Variants in ZNF449 observed in about 807,000 individuals in gnomAD.
ZNF449 encodes zinc finger protein 449.
ZNF449 carries 4 observed loss-of-function variants against 32.6 expected under a neutral mutation model. The observed-to-expected ratio is 0.12, with a 90% CI of 0.06 to 0.28. The LOEUF (loss-of-function observed/expected upper bound fraction) is 0.28, where lower values mean the gene tolerates loss of function less well. Among genes scored for constraint, ZNF449 ranks in the 10% least tolerant of loss-of-function variants. ZNF449 has a pLI of 1.00. For missense variants in ZNF449, 275 were observed against 383.2 expected (o/e 0.72, Z 2.36); for synonymous variants, 123 against 132.2 (o/e 0.93, Z 0.48).
intron 2 of ZNF449, 103 bp from the exon 3 acceptor site, chrX:135,349,007 T>C (rs1214647964): frequency 9.6e-7 from 1 of 1,036,902 alleles, no homozygotes; most frequent in Non-Finnish European, 1.3e-6. Context: ...AATTTATTCA[T>C]ATGGCCACTA....
In ZNF449 at chrX:135,353,605, A is replaced by G. The variant is rs183715543; in HGVS notation, c.559+4291A>G. 3.9e-3 allele frequency among the ~76,000 whole-genome samples: 434 copies of G among 111,256 alleles called. 5 individuals are homozygous for G. The highest frequency in any genetic ancestry group is 0.014 in the African/African-American group (423 of 30,602). Reference sequence around the variant, plus strand: ...GACTATGGTCTCAAAACCAGGAGAGATGATTAAATTTAAGGTAACAGGCTT... The same window carrying G: ...GACTATGGTCTCAAAACCAGGAGAGGTGATTAAATTTAAGGTAACAGGCTT... On this transcript the variant is annotated intron_variant, in intron 3 of 4. Coordinates refer to ENST00000339249, the MANE Select transcript of ZNF449 (RefSeq NM_152695.6).
In ZNF449 at chrX:135,360,421, A is replaced by C; in HGVS notation, c.902A>C (p.Asn301Thr). 8.3e-7 allele frequency: 1 copy of C among 1,211,085 alleles called. No individual in the cohort carries two copies. Among genetic ancestry groups the C allele is most frequent in the Non-Finnish European group, 1.1e-6 (1 of 895,272 alleles). ...QNPTLGETPE[N>T]SNLEEPLNPK... is the part of the protein sequence containing the mutation. ...CCCACTCTGGGAGAGACACCTGAGA[A>C]CTCCAACTTGGAAGAACCTCTCAAC... Residue 301 changes from asparagine (N) to threonine (T), a missense_variant, in exon 5 of 5, where the codon AAC (asparagine) becomes ACC (threonine). Coordinates refer to ENST00000339249, the MANE Select transcript of ZNF449 (RefSeq NM_152695.6).
intron 3 of ZNF449, 121 bp downstream of exon 3, chrX:135,349,435 A>G (rs2084871327): frequency 7.5e-6 from 5 of 670,856 alleles, no homozygotes; most frequent in Non-Finnish European, 1.1e-5. Context: ...CAGATAAAGA[A>G]GAGGAAAAAG....
chrX:135,359,800 C>A, intron 3 of ZNF449, 92 bp from the exon 4 acceptor site: 1 of 513,132 alleles, frequency 1.9e-6, no homozygotes, highest in Non-Finnish European at 3.4e-6. Flanking sequence ...GAAGTAGATA[C>A]TAAGAGGCTA....
At chrX:135,355,550 AAAGT>A (rs782519282) in intron 3 of ZNF449, among the ~76,000 whole-genome samples, 55 of 111,416 alleles carry the variant, frequency 4.9e-4, no homozygotes, top group Non-Finnish European at 1.0e-3. Context: ...AATGTAAAAT[AAAGT>A]ATTTTACACC....
intron 3 of ZNF449, among the ~76,000 whole-genome samples, chrX:135,350,003 A>ATTTTT (rs552605724): frequency 4.9e-5 from 4 of 81,797 alleles, no homozygotes; most frequent in Non-Finnish European, 9.9e-5. Context: ...GGGGTTTTCT[A>ATTTTT]TTTTTTTTTT....
chrX:135,361,328 T>C lies in ZNF449; in HGVS notation c.*252T>C, dbSNP rs1556454019. 1 of 275,792 alleles carries C rather than the reference T, an allele frequency of 3.6e-6. No homozygotes were observed. The highest frequency in any genetic ancestry group is 6.3e-6 in the Non-Finnish European group (1 of 158,866). The allele number at this position is 275,792 out of a possible 1,213,427, so 22.7% of individuals were successfully genotyped here. On this transcript the variant is annotated 3_prime_UTR_variant, in exon 5 of 5. Transcript: ENST00000339249. ...TCTTTTTTTAATTACAATGAAAAATTTTGTGTTCCAAGGCAACTGTATCAT... is the reference window on the plus strand; with the variant it reads ...TCTTTTTTTAATTACAATGAAAAATCTTGTGTTCCAAGGCAACTGTATCAT...
intron 3 of ZNF449, among the ~76,000 whole-genome samples, chrX:135,356,425 C>T (rs1490463799): frequency 2.7e-5 from 3 of 111,686 alleles, no homozygotes; most frequent in African/African-American, 6.5e-5. Context: ...TGAAGAGTAA[C>T]GATGCTGAAC....
At chrX:135,360,071 T>C in intron 4 of ZNF449, 66 bp downstream of exon 4, 1 of 1,090,700 alleles carries the variant, frequency 9.2e-7, no homozygotes, top group Non-Finnish European at 1.2e-6. Flanking sequence ...AATAAAGAGT[T>C]TGGAATTCTA....
At chrX:135,360,080 T>C (rs2148506749) in intron 4 of ZNF449, 75 bp downstream of exon 4, 2 of 1,086,207 alleles carry the variant, frequency 1.8e-6, no homozygotes, top group Non-Finnish European at 2.5e-6. Flanking sequence ...TTTGGAATTC[T>C]ATTTAGGAAT....
intron 1 of ZNF449, among the ~76,000 whole-genome samples, chrX:135,346,725 G>C (rs1440903281): frequency 8.9e-6 from 1 of 111,866 alleles, no homozygotes; most frequent in Non-Finnish European, 1.9e-5. Context: ...AACTTAAAGT[G>C]TCACATGGGG....
At position 135,347,228 on chromosome X, in the gene ZNF449, A is replaced by G; in HGVS notation, c.110A>G (p.Gln37Arg). ...EVFRQRFRQF[Q>R]YREAAGPHEA... is the part of the protein sequence containing the mutation. ...TTCCGTCAGCGCTTCAGGCAGTTCC[A>G]GTACAGAGAAGCAGCTGGGCCTCAT... Residue 37 changes from glutamine to arginine, a missense_variant, in exon 2 of 5, where the codon CAG becomes CGG. Transcript: ENST00000339249. The G allele has an allele frequency of 8.2e-7, 1 of 1,212,420 alleles. No individual in the cohort carries two copies.
In ZNF449 at chrX:135,361,242, T is replaced by G; in HGVS notation, c.*166T>G. 2.8e-6 allele frequency: 1 copy of G among 358,814 alleles called. No individual in the cohort carries two copies. Among genetic ancestry groups the G allele is most frequent in the Non-Finnish European group, 4.7e-6 (1 of 211,543 alleles). 29.6% of individuals were successfully genotyped at this position (358,814 alleles called of 1,213,427 possible). A position where few individuals can be genotyped will look rare whatever the true frequency, so the allele number is the denominator to read the frequency against. On this transcript the variant is annotated 3_prime_UTR_variant, in exon 5 of 5. Transcript: ENST00000339249. Reference sequence around the variant, plus strand: ...CCCATCTTCCAAGGTATATGAATTCTAGAGTATTTATCTACTCCTGTGATT... The same window carrying G: ...CCCATCTTCCAAGGTATATGAATTCGAGAGTATTTATCTACTCCTGTGATT...
chrX:135,348,954 AT>A, intron 2 of ZNF449, 155 bp from the exon 3 acceptor site: 2 of 901,867 alleles, frequency 2.2e-6, no homozygotes, highest in Non-Finnish European at 3.1e-6. Flanking sequence ...TTTGCACTGG[AT>A]TAAGTAACAC....
At position 135,360,899 on chromosome X, in the gene ZNF449, G is replaced by A. The variant is rs200866322; in HGVS notation, c.1380G>A (p.Glu460=). The A allele has an allele frequency of 1.2e-4, 148 of 1,209,230 alleles. No homozygotes were observed. The highest frequency in any genetic ancestry group is 1.1e-4 in the Non-Finnish European group (97 of 894,938). The change falls in exon 5 of 5, where the codon GAG becomes GAA. Residue 460 remains glutamate, a synonymous_variant. Transcript: ENST00000339249. ...TGCACCAGAGAACGCATACTGAAGA[G>A]AGACCTTTTAAATGTAATTATTGTG... ...LTLHQRTHTE[E]RPFKCNYCGK... is the part of the protein sequence containing the mutation.
At position 135,363,094 on chromosome X, in the gene ZNF449, C is replaced by A. The variant is rs1556454918; in HGVS notation, c.*2018C>A. 8.9e-6 allele frequency: 1 copy of A among 112,076 alleles called. No individual in the cohort carries two copies. The highest frequency in any genetic ancestry group is 1.9e-5 in the Non-Finnish European group (1 of 53,163). The allele number at this position is 112,076 out of a possible 1,213,427, so 9.2% of individuals were successfully genotyped here. ...AACAGTGCCTTAGAATGGATGTGCC[C>A]AACTGCTCTGTATTTATGCAATATT... On this transcript the variant is annotated 3_prime_UTR_variant, in exon 5 of 5. Coordinates refer to ENST00000339249, the MANE Select transcript of ZNF449 (RefSeq NM_152695.6).
chrX:135,350,170 A>G (rs964477509), intron 3 of ZNF449, among the ~76,000 whole-genome samples: 1 of 111,094 alleles, frequency 9.0e-6, no homozygotes, highest in African/African-American at 3.3e-5. Context: ...CCACACGTAG[A>G]GACGGGGTTT....
chrX:135,356,015 G>A (rs1407823131), intron 3 of ZNF449, among the ~76,000 whole-genome samples: 4 of 111,980 alleles, frequency 3.6e-5, no homozygotes, highest in Non-Finnish European at 5.7e-5. Flanking sequence ...CCTATTTATG[G>A]TTGCATAGTC....
At position 135,361,145 on chromosome X, in the gene ZNF449, G is replaced by C. The variant is rs572223533; in HGVS notation, c.*69G>C. On this transcript the variant is annotated 3_prime_UTR_variant, in exon 5 of 5. Transcript: ENST00000339249. ...CAAAAAAAATCTTAACCTGCAGCAG[G>C]CTGTTTGTCTTGGAAGCTTTTGTTT... 8.1e-6 allele frequency: 8 copies of C among 988,375 alleles called. No individual in the cohort carries two copies. The highest frequency in any genetic ancestry group is 2.8e-4 in the Middle Eastern group (1 of 3,621). The allele number at this position is 988,375 out of a possible 1,213,427, so 81.5% of individuals were successfully genotyped here.
Sources: allele counts gnomAD v4.1 joint callset (sites outside exome capture counted in the v4.1 genomes callset), GRCh38; gene constraint gnomAD v4.1.1; transcripts MANE v1.5; gene names NCBI Gene and HGNC (gene_info 2026-07-23, HGNC 2026-07-21).